EFNA5: variants seen among roughly 807,000 people sequenced by gnomAD.
EFNA5 encodes ephrin A5.
In EFNA5, 5 loss-of-function variants were observed where a neutral mutation model predicts 22.9. The ratio of observed to expected loss-of-function variants is 0.22; its 90% CI spans 0.11 to 0.46. The LOEUF (loss-of-function observed/expected upper bound fraction) is 0.46, where lower values mean the gene tolerates loss of function less well. EFNA5 is among the 20% of genes least tolerant of loss of function. The probability of loss-of-function intolerance (pLI) is 0.99; values close to 1 mark genes in which losing one functional copy is unlikely to be tolerated. For missense variants in EFNA5, 237 were observed against 293.3 expected (o/e 0.81, Z 1.40); for synonymous variants, 113 against 112.2 (o/e 1.01, Z -0.04).
intron 1 of EFNA5, among the ~76,000 whole-genome samples, chr5:107,574,244 C>T (rs990056171): frequency 3.3e-5 from 5 of 152,150 alleles, no homozygotes; most frequent in South Asian, 2.1e-4. Context: ...TGGCTTCAAA[C>T]ATCACTAAAT....
At chr5:107,546,676 ACACACACACACT>A (rs1334322161) in intron 1 of EFNA5, among the ~76,000 whole-genome samples, 2 of 123,754 alleles carry the variant, frequency 1.6e-5, no homozygotes, top group Admixed American at 8.5e-5. Context: ...ACACACACAC[ACACACACACACT>A]CTCACCCCTG....
At chr5:107,645,839 A>C (rs1442927765) in intron 1 of EFNA5, among the ~76,000 whole-genome samples, 1 of 152,226 alleles carries the variant, frequency 6.6e-6, no homozygotes. Flanking sequence ...ATAAATATGG[A>C]TTCAGTACCA....
At position 107,463,028 on chromosome 5, in the gene EFNA5, G is replaced by A. The variant is rs547600539; in HGVS notation, c.126-35519C>T. On this transcript the variant is annotated intron_variant, in intron 1 of 4. Transcript: ENST00000333274. Reference sequence around the variant, plus strand: ...GCTGAATATGTCATATACTCTCCAGGGTTCAGTTTCCTCATCTATGAAGCG... The same window carrying A: ...GCTGAATATGTCATATACTCTCCAGAGTTCAGTTTCCTCATCTATGAAGCG... Among the ~76,000 whole-genome samples, 75 of 152,148 alleles carry A rather than the reference G, an allele frequency of 4.9e-4. 1 individual carries two copies. The highest frequency in any genetic ancestry group is 3.4e-3 in the Middle Eastern group (1 of 294).
At chr5:107,563,433 T>C (rs1447701955) in intron 1 of EFNA5, among the ~76,000 whole-genome samples, 1 of 152,088 alleles carries the variant, frequency 6.6e-6, no homozygotes, top group Admixed American at 6.6e-5. Context: ...AAAGTTATTA[T>C]TATTATTATT....
At chr5:107,469,653 C>A (rs1013534717) in intron 1 of EFNA5, among the ~76,000 whole-genome samples, 11 of 151,834 alleles carry the variant, frequency 7.2e-5, no homozygotes, top group Non-Finnish European at 1.5e-4. Context: ...TTACTGCCCC[C>A]CCTTTATTTT....
chr5:107,564,923 C>A (rs1041210414), intron 1 of EFNA5, among the ~76,000 whole-genome samples: 1 of 152,066 alleles, frequency 6.6e-6, no homozygotes, highest in Non-Finnish European at 1.5e-5. Flanking sequence ...TTACCACATA[C>A]CCTCAGCGTG....
At chr5:107,581,297 T>C (rs1749069259) in intron 1 of EFNA5, among the ~76,000 whole-genome samples, 1 of 152,206 alleles carries the variant, frequency 6.6e-6, no homozygotes, top group African/African-American at 2.4e-5. Context: ...TCTACCTCTT[T>C]CCCCACTTGC....
chr5:107,612,221 G>A (rs546745910), intron 1 of EFNA5, among the ~76,000 whole-genome samples: 1 of 152,094 alleles, frequency 6.6e-6, no homozygotes, highest in South Asian at 2.1e-4. Context: ...TTCTTGGGAG[G>A]CAAATTTTAC....
intron 1 of EFNA5, among the ~76,000 whole-genome samples, chr5:107,626,131 T>G (rs946514208): frequency 2.0e-5 from 3 of 152,106 alleles, no homozygotes; most frequent in Non-Finnish European, 2.9e-5. Context: ...GGTACTGGAG[T>G]GAAATAGAAG....
chr5:107,648,988 T>C (rs1477734968), intron 1 of EFNA5, among the ~76,000 whole-genome samples: 1 of 152,170 alleles, frequency 6.6e-6, no homozygotes, highest in Non-Finnish European at 1.5e-5. Context: ...GCTGATAGAT[T>C]AATGAAGTTG....
chr5:107,406,484 T>C (rs1748224306), intron 2 of EFNA5, among the ~76,000 whole-genome samples: 1 of 152,110 alleles, frequency 6.6e-6, no homozygotes. Context: ...GATTGCTTCC[T>C]CATTTTCTTT....
intron 2 of EFNA5, among the ~76,000 whole-genome samples, chr5:107,404,779 A>C (rs1030412816): frequency 6.6e-6 from 1 of 152,158 alleles, no homozygotes; most frequent in African/African-American, 2.4e-5. Flanking sequence ...AATTTCCCAG[A>C]AGCTCTTAAA....
At chr5:107,489,963 A>G (rs927798122) in intron 1 of EFNA5, among the ~76,000 whole-genome samples, 21 of 152,170 alleles carry the variant, frequency 1.4e-4, no homozygotes, top group African/African-American at 4.8e-4. Context: ...TTAGCCCAGA[A>G]GATCTCATGA....
chr5:107,390,045 C>T (rs1474827828), intron 2 of EFNA5, among the ~76,000 whole-genome samples: 1 of 152,216 alleles, frequency 6.6e-6, no homozygotes, highest in African/African-American at 2.4e-5. Context: ...TTCACTCGAT[C>T]ATCACTGCAT....
intron 1 of EFNA5, among the ~76,000 whole-genome samples, chr5:107,487,043 CAA>C (rs1284371460): frequency 6.6e-6 from 1 of 152,166 alleles, no homozygotes; most frequent in Non-Finnish European, 1.5e-5. Context: ...TCGCCTGGCA[CAA>C]AAGATAAAGA....
chr5:107,498,537 T>C (rs748246769), intron 1 of EFNA5, among the ~76,000 whole-genome samples: 45 of 152,246 alleles, frequency 3.0e-4, no homozygotes, highest in Non-Finnish European at 5.7e-4. Flanking sequence ...AAACTGTGAA[T>C]GTGATATGCA....
At chr5:107,569,248 C>G (rs992761422) in intron 1 of EFNA5, among the ~76,000 whole-genome samples, 5 of 150,980 alleles carry the variant, frequency 3.3e-5, no homozygotes, top group Non-Finnish European at 5.9e-5. Context: ...GGGGCTTCCT[C>G]AAAAAAAGTA....
intron 1 of EFNA5, among the ~76,000 whole-genome samples, chr5:107,502,073 AC>A (rs1246445398): frequency 6.6e-6 from 1 of 152,180 alleles, no homozygotes; most frequent in Non-Finnish European, 1.5e-5. Context: ...AATTACACCA[AC>A]CTGCGGCTGT....
intron 2 of EFNA5, among the ~76,000 whole-genome samples, chr5:107,399,060 G>C (rs564334846): frequency 6.6e-6 from 1 of 152,174 alleles, no homozygotes; most frequent in African/African-American, 2.4e-5. Context: ...ATGATCTTGG[G>C]AACTGATGTA....
Sources: allele counts gnomAD v4.1 joint callset (sites outside exome capture counted in the v4.1 genomes callset), GRCh38; gene constraint gnomAD v4.1.1; transcripts MANE v1.5; gene names NCBI Gene and HGNC (gene_info 2026-07-23, HGNC 2026-07-21).